Variants in ANK2 observed in about 807,000 individuals in gnomAD.
The protein encoded by ANK2 is ankyrin-2.
In ANK2, 83 loss-of-function variants were observed where a neutral mutation model predicts 360.5. The ratio of observed to expected loss-of-function variants is 0.23; its 90% confidence interval spans 0.19 to 0.28. The LOEUF is 0.28. ANK2 is among the 10% of genes least tolerant of loss of function. ANK2 has a pLI of 1.00. For missense variants in ANK2, 4,201 were observed against 4,795.7 expected (o/e 0.88, Z 3.66); for synonymous variants, 1,740 against 1,759.5 (o/e 0.99, Z 0.28).
At chr4:113,315,889 T>A (rs1177019200) in intron 24 of ANK2, among the ~76,000 whole-genome samples, 2 of 98,602 alleles carry the variant, frequency 2.0e-5, no homozygotes, top group South Asian at 3.5e-4. Flanking sequence ...AGAGCGAGAC[T>A]CCGTCTCAAA....
chr4:113,251,747 G>T (rs2046556759), intron 10 of ANK2, among the ~76,000 whole-genome samples: 1 of 151,914 alleles, frequency 6.6e-6, no homozygotes, highest in East Asian at 1.9e-4. Flanking sequence ...CTCCCAAAGT[G>T]CTGGGATTAC....
chr4:113,070,523 A>C (rs2077172404), intron 1 of ANK2, among the ~76,000 whole-genome samples: 1 of 152,214 alleles, frequency 6.6e-6, no homozygotes, highest in Admixed American at 6.5e-5. Flanking sequence ...GAATCCAAAC[A>C]CAAATGTACT....
chr4:113,168,692 G>C lies in ANK2; in HGVS notation c.85-5724G>C, dbSNP rs1004737889. 9.8e-5 allele frequency among the ~76,000 whole-genome samples: 15 copies of C among 152,306 alleles called. 1 individual carries two copies. In the East Asian group the frequency reaches 2.7e-3, roughly 27 times the overall value. ...TTTATATCACTTATGTGTTCTGACT[G>C]CAAGAAAGTAACTTCTGCAATTCTT... is the stretch of plus-strand genomic sequence containing the variant. On this transcript the variant is annotated intron_variant, in intron 1 of 45. Transcript: ENST00000357077.
intron 1 of ANK2, among the ~76,000 whole-genome samples, chr4:112,835,959 G>A (rs550740184): frequency 2.0e-5 from 3 of 152,054 alleles, no homozygotes; most frequent in South Asian, 4.2e-4. Flanking sequence ...TAGACCTTAG[G>A]TGCCCTGAGG....
rs1298556479 is a variant in ANK2, at chr4:113,343,006, T to C, written c.4123-11T>C. On this transcript the variant is annotated splice_polypyrimidine_tract_variant and intron_variant, in intron 33 of 45. Transcript: ENST00000357077. ...GCTACTTTATTGTTATTTCTCTCTG[T>C]TTTCACTCAGGTGTTAGAAGGAAAA... is the stretch of plus-strand genomic sequence containing the variant. 1.9e-6 allele frequency: 3 copies of C among 1,613,824 alleles called. No homozygotes were observed. The highest frequency in any genetic ancestry group is 3.3e-5 in the Admixed American group (2 of 60,026).
the ANK2 span, among the ~76,000 whole-genome samples, chr4:112,778,588 C>T: frequency 6.6e-6 from 1 of 152,150 alleles, no homozygotes; most frequent in Non-Finnish European, 1.5e-5. Context: ...CAGTCCTTCT[C>T]CTTAAAGAGT....
intron 1 of ANK2, among the ~76,000 whole-genome samples, chr4:113,097,706 A>T (rs1413846134): frequency 6.6e-6 from 1 of 151,918 alleles, no homozygotes; most frequent in Admixed American, 6.6e-5. Context: ...ATGTAGGGAA[A>T]TCAGAATGCT....
intron 1 of ANK2, among the ~76,000 whole-genome samples, chr4:113,071,036 A>G (rs1301869740): frequency 6.6e-6 from 1 of 152,202 alleles, no homozygotes; most frequent in Non-Finnish European, 1.5e-5. Flanking sequence ...AGATTTACTT[A>G]GAACAAAGTA....
the ANK2 span, among the ~76,000 whole-genome samples, chr4:112,785,817 C>T: frequency 1.2e-4 from 18 of 151,782 alleles, no homozygotes; most frequent in African/African-American, 4.4e-4. Context: ...TAGGTGTGAA[C>T]CACTATGCCA....
upstream of ANK2, among the ~76,000 whole-genome samples, chr4:113,046,595 G>T (rs1028283091): frequency 1.3e-5 from 2 of 152,050 alleles, no homozygotes; most frequent in African/African-American, 4.8e-5. Flanking sequence ...TATGCCATCT[G>T]GGAAGAAGAG....
chr4:112,756,541 A>G, the ANK2 span, among the ~76,000 whole-genome samples: 3,569 of 152,306 alleles, frequency 0.023, 122 homozygotes, highest in African/African-American at 0.08. Flanking sequence ...AGTACTTGCT[A>G]AAGCAAATTA....
chr4:113,269,046 G>A (rs541645580), intron 14 of ANK2, among the ~76,000 whole-genome samples: 10 of 152,148 alleles, frequency 6.6e-5, no homozygotes, highest in South Asian at 2.1e-4. Flanking sequence ...GGCATTTATC[G>A]TATTCTCTGA....
In ANK2 at chr4:113,374,746, G is replaced by C. The variant is rs1589367094; in HGVS notation, c.11859+1297G>C. On this transcript the variant is annotated intron_variant, in intron 45 of 45. Coordinates refer to ENST00000357077, the MANE Select transcript of ANK2 (RefSeq NM_001148.6). ...TTGGCAATCAGACATTGTCTATTGTGTGTCCTTCGATCATTAGGTCACTTT... is the reference window on the plus strand; with the variant it reads ...TTGGCAATCAGACATTGTCTATTGTCTGTCCTTCGATCATTAGGTCACTTT... The C allele has an allele frequency of 2.8e-6, 3 of 1,057,464 alleles. No individual in the cohort carries two copies. The African/African-American group carries it at 5.0e-5, about 18-fold the overall frequency. The allele number at this position is 1,057,464 out of a possible 1,614,324, so 65.5% of individuals were successfully genotyped here.
the ANK2 span, among the ~76,000 whole-genome samples, chr4:112,777,250 A>T: frequency 1.3e-5 from 2 of 151,962 alleles, no homozygotes; most frequent in Non-Finnish European, 1.5e-5. Context: ...TTATTTATTT[A>T]TTTTTTGAGA....
rs533292306 is a variant in ANK2, at chr4:113,122,534, C to T, written c.85-51882C>T. ...GTCTTTATGTTAACTTCCCAGAACC[C>T]CTTCATCAGTATGTCAGTATTTCCA... On this transcript the variant is annotated intron_variant, in intron 1 of 45. Transcript: ENST00000357077. 1.4e-4 allele frequency among the ~76,000 whole-genome samples: 21 copies of T among 152,134 alleles called. No individual in the cohort carries two copies. In the East Asian group the frequency reaches 4.1e-3, roughly 29 times the overall value.
chr4:113,096,435 C>T (rs2091062684), intron 1 of ANK2, among the ~76,000 whole-genome samples: 1 of 152,144 alleles, frequency 6.6e-6, no homozygotes, highest in African/African-American at 2.4e-5. Context: ...GTCCTTCTAT[C>T]TTGCTTCTCT....
intron 1 of ANK2, among the ~76,000 whole-genome samples, chr4:112,901,904 T>C (rs939229878): frequency 6.6e-6 from 1 of 150,744 alleles, no homozygotes; most frequent in East Asian, 1.9e-4. Flanking sequence ...AGAGATGTAA[T>C]ATATTTCACC....
At chr4:113,338,636 A>G (rs1304892143) in intron 31 of ANK2, among the ~76,000 whole-genome samples, 6 of 132,094 alleles carry the variant, frequency 4.5e-5, no homozygotes, top group African/African-American at 1.2e-4. Context: ...TGCAAGCTCC[A>G]CCTCCTGGGT....
rs34098456 is a variant in ANK2, at chr4:113,072,742, A to ATTTTTTTTTTTTTTTTT, written c.84+22937_84+22953dup. 2.3e-4 allele frequency among the ~76,000 whole-genome samples: 17 copies of ATTTTTTTTTTTTTTTTT among 74,216 alleles called. 1 individual carries two copies. The highest frequency in any genetic ancestry group is 6.2e-4 in the African/African-American group (14 of 22,432). The allele number at this position is 74,216 out of a possible 152,430, so 48.7% of individuals were successfully genotyped here. The stretch of plus-strand genomic sequence containing the variant: ...TCCCTTAAAATAGACACTTGGCATA[A>ATTTTTTTTTTTTTTTTT]TTTTTTTTTTTTTTTTTTTTTTTGC... On this transcript the variant is annotated intron_variant, in intron 1 of 45. Transcript: ENST00000357077.
Sources: allele counts gnomAD v4.1 joint callset (sites outside exome capture counted in the v4.1 genomes callset), GRCh38; gene constraint gnomAD v4.1.1; transcripts MANE v1.5; gene names NCBI Gene and HGNC (gene_info 2026-07-23, HGNC 2026-07-21).